The following ZDHHC21 variants were observed in gnomAD, a reference collection of about 807,000 sequenced individuals.
ZDHHC21 encodes the protein zDHHC palmitoyltransferase 21.
ZDHHC21 carries 15 observed loss-of-function variants against 34.6 expected under a neutral mutation model. The ratio of observed to expected loss-of-function variants is 0.43; its 90% confidence interval spans 0.29 to 0.67. The LOEUF (loss-of-function observed/expected upper bound fraction) is 0.67, where lower values mean the gene tolerates loss of function less well. Ranked by LOEUF, ZDHHC21 falls within the 30% of genes least tolerant of loss-of-function variation. The pLI, the probability that ZDHHC21 is intolerant of heterozygous loss-of-function variation, is 0.14. For synonymous variants in ZDHHC21, 142 were observed against 101.8 expected (o/e 1.40, Z -2.38); for missense variants, 344 against 327.7 (o/e 1.05, Z -0.38).
intron 3 of ZDHHC21, among the ~76,000 whole-genome samples, chr9:14,678,379 T>A (rs1419967219): frequency 2.6e-5 from 4 of 151,676 alleles, no homozygotes; most frequent in African/African-American, 9.7e-5. Context: ...CTGCAACACA[T>A]GACCGACAAG....
chr9:14,620,443 T>C (rs1216158645), intron 8 of ZDHHC21, among the ~76,000 whole-genome samples: 1 of 152,062 alleles, frequency 6.6e-6, no homozygotes, highest in Non-Finnish European at 1.5e-5. Flanking sequence ...TTTATTTGTA[T>C]TTTAAATATA....
chr9:14,644,814 A>G (rs1043012173), intron 7 of ZDHHC21, among the ~76,000 whole-genome samples: 1 of 142,982 alleles, frequency 7.0e-6, no homozygotes, highest in African/African-American at 2.6e-5. Flanking sequence ...ACACATACAT[A>G]TGTATACACA....
At chr9:14,647,304 A>G (rs1830423302) in intron 7 of ZDHHC21, among the ~76,000 whole-genome samples, 2 of 152,282 alleles carry the variant, frequency 1.3e-5, no homozygotes, top group Admixed American at 1.3e-4. Context: ...CTAAATGAAA[A>G]GAAGAGTCAG....
chr9:14,609,162 T>C (rs1403713964), downstream of ZDHHC21, among the ~76,000 whole-genome samples: 2 of 111,836 alleles, frequency 1.8e-5, no homozygotes, highest in African/African-American at 8.1e-5. Flanking sequence ...TTTCACTTAA[T>C]ACTGATGAAA....
intron 9 of ZDHHC21, 129 bp downstream of exon 9, chr9:14,619,510 C>A: frequency 3.9e-6 from 3 of 770,196 alleles, no homozygotes; most frequent in Admixed American, 3.3e-5. Context: ...TTGCCTAGCA[C>A]AGGCCTCAGA....
intron 7 of ZDHHC21, among the ~76,000 whole-genome samples, chr9:14,649,791 A>G (rs1402348114): frequency 6.6e-6 from 1 of 152,060 alleles, no homozygotes; most frequent in Non-Finnish European, 1.5e-5. Flanking sequence ...CAGAAAAATT[A>G]TTTTGTCTGC....
intron 2 of ZDHHC21, among the ~76,000 whole-genome samples, chr9:14,686,288 AACTG>A (rs2131666775): frequency 6.6e-6 from 1 of 152,258 alleles, no homozygotes; most frequent in Non-Finnish European, 1.5e-5. Flanking sequence ...AAATAAATAA[AACTG>A]ACAGGACTTA....
intron 8 of ZDHHC21, among the ~76,000 whole-genome samples, chr9:14,630,666 G>A (rs1258457370): frequency 6.6e-6 from 1 of 152,146 alleles, no homozygotes; most frequent in African/African-American, 2.4e-5. Flanking sequence ...TTCTTAAATG[G>A]TAAGACTTAA....
chr9:14,636,267 G>A (rs1304780811), intron 8 of ZDHHC21, among the ~76,000 whole-genome samples: 23 of 152,148 alleles, frequency 1.5e-4, no homozygotes. Context: ...GGAATAGCTA[G>A]CTATACTTAT....
chr9:14,604,435 C>A, the ZDHHC21 span, among the ~76,000 whole-genome samples: 2 of 152,146 alleles, frequency 1.3e-5, no homozygotes, highest in African/African-American at 2.4e-5. Context: ...AAAATAGTAT[C>A]ATTTATGGAT....
intron 4 of ZDHHC21, among the ~76,000 whole-genome samples, chr9:14,673,529 T>TA (rs535538350): frequency 0.024 from 3,449 of 141,316 alleles, 38 homozygotes; most frequent in Middle Eastern, 0.07. Context: ...GTTGGGGCGA[T>TA]AAAAAAAAAA....
chr9:14,593,859 C>G, the ZDHHC21 span: 1 of 152,438 alleles, frequency 6.6e-6, no homozygotes, highest in Non-Finnish European at 1.5e-5. Flanking sequence ...TCTAGACCAC[C>G]TGGTCTCTGC....
chr9:14,649,268 A>G (rs1224043339), intron 7 of ZDHHC21, among the ~76,000 whole-genome samples: 9 of 152,140 alleles, frequency 5.9e-5, no homozygotes, highest in Admixed American at 5.9e-4. Flanking sequence ...TCATAAAATT[A>G]AAAAATAAAA....
intron 8 of ZDHHC21, among the ~76,000 whole-genome samples, chr9:14,626,982 A>C (rs1826356276): frequency 6.6e-6 from 1 of 152,058 alleles, no homozygotes; most frequent in African/African-American, 2.4e-5. Flanking sequence ...TTATAGAAGT[A>C]TATGTGAGCT....
chr9:14,632,731 T>A (rs900696013), intron 8 of ZDHHC21, among the ~76,000 whole-genome samples: 2 of 151,298 alleles, frequency 1.3e-5, no homozygotes, highest in Non-Finnish European at 2.9e-5. Context: ...ATACCTACAA[T>A]ACATAACCTT....
intron 7 of ZDHHC21, among the ~76,000 whole-genome samples, chr9:14,657,685 A>C (rs1357112487): frequency 6.6e-6 from 1 of 152,184 alleles, no homozygotes; most frequent in Non-Finnish European, 1.5e-5. Context: ...AGAGGGCTGA[A>C]TTTAAACCAA....
chr9:14,622,490 G>T lies in ZDHHC21; in HGVS notation c.622-2808C>A, dbSNP rs1271824594. On this transcript the variant is annotated intron_variant, in intron 8 of 9. Transcript: ENST00000380916. ...TTAGGAAAATGAGAGGTTGCAGGGG[G>T]GTGGGATAAAGAGCAAGAATTTATC... is the stretch of plus-strand genomic sequence containing the variant. The T allele has an allele frequency of 5.1e-6, 5 of 977,742 alleles. No individual in the cohort carries two copies. The African/African-American group carries it at 7.2e-5, about 14-fold the overall frequency. 60.6% of individuals were successfully genotyped at this position (977,742 alleles called of 1,614,324 possible).
At chr9:14,660,143 A>C (rs1833080682) in intron 6 of ZDHHC21, among the ~76,000 whole-genome samples, 1 of 152,214 alleles carries the variant, frequency 6.6e-6, no homozygotes. Context: ...AGGGGAGCAG[A>C]TCACCTGAGG....
chr9:14,604,372 G>A, the ZDHHC21 span, among the ~76,000 whole-genome samples: 39 of 152,080 alleles, frequency 2.6e-4, no homozygotes, highest in African/African-American at 8.9e-4. Context: ...TAATAAAGAT[G>A]TTTTGTTTAA....
Sources: gnomAD v4.1 joint callset for allele counts (sites outside exome capture counted in the v4.1 genomes callset) on GRCh38, gnomAD v4.1.1 for gene constraint, MANE v1.5 for transcripts, NCBI Gene and HGNC (gene_info 2026-07-23, HGNC 2026-07-21) for gene names.